Variants in SIPA1L1 observed in about 807,000 individuals in gnomAD.
SIPA1L1 encodes the protein signal induced proliferation associated 1 like 1, also known as signal-induced proliferation-associated 1-like protein 1.
Under a neutral mutation model 162.7 loss-of-function variants are expected in SIPA1L1, and 26 were observed. The ratio of observed to expected loss-of-function variants is 0.16; its 90% CI spans 0.12 to 0.22. The LOEUF (loss-of-function observed/expected upper bound fraction) is 0.22, where lower values mean the gene tolerates loss of function less well. SIPA1L1 is among the 10% of genes least tolerant of loss of function. SIPA1L1 has a pLI of 1.00. For synonymous variants in SIPA1L1, 829 were observed against 837.4 expected, an observed-to-expected ratio of 0.99 and a Z score of 0.17; for missense variants, 1,874 against 2,241.0, an observed-to-expected ratio of 0.84 and a Z score of 3.31.
intron 4 of SIPA1L1, among the ~76,000 whole-genome samples, chr14:71,546,664 C>G (rs975457907): frequency 7.9e-5 from 12 of 152,146 alleles, no homozygotes; most frequent in African/African-American, 2.9e-4. Context: ...TAATGAATTC[C>G]TTTTTTAATG....
At chr14:71,596,442 T>G (rs1206984118) in intron 5 of SIPA1L1, among the ~76,000 whole-genome samples, 1 of 152,214 alleles carries the variant, frequency 6.6e-6, no homozygotes, top group East Asian at 1.9e-4. Context: ...TGCAGGTTCT[T>G]TCTAGAAGGG....
intron 4 of SIPA1L1, among the ~76,000 whole-genome samples, chr14:71,550,197 T>C (rs1051714619): frequency 1.3e-5 from 2 of 152,016 alleles, no homozygotes; most frequent in Non-Finnish European, 2.9e-5. Context: ...TTGCAGTGAG[T>C]TGTGATGACG....
intron 5 of SIPA1L1, among the ~76,000 whole-genome samples, chr14:71,606,650 A>G (rs1462530589): frequency 6.6e-6 from 1 of 152,032 alleles, no homozygotes; most frequent in Non-Finnish European, 1.5e-5. Context: ...GGATTACAGG[A>G]GTGAGTCCAC....
chr14:71,673,589 ATG>A (rs142950134), intron 12 of SIPA1L1, among the ~76,000 whole-genome samples: 227 of 151,714 alleles, frequency 1.5e-3, no homozygotes, highest in Non-Finnish European at 2.7e-3. Flanking sequence ...GCAAATATAT[ATG>A]TGTGTGTGTG....
intron 2 of SIPA1L1, among the ~76,000 whole-genome samples, chr14:71,447,310 C>T (rs1265955822): frequency 6.6e-6 from 1 of 152,002 alleles, no homozygotes; most frequent in Non-Finnish European, 1.5e-5. Context: ...ATGTTCATAG[C>T]CTAAATAAGA....
At chr14:71,505,569 T>C (rs1161070771) in intron 2 of SIPA1L1, among the ~76,000 whole-genome samples, 1 of 152,152 alleles carries the variant, frequency 6.6e-6, no homozygotes, top group African/African-American at 2.4e-5. Flanking sequence ...CACTCCAATA[T>C]AATACTTATT....
In SIPA1L1 at chr14:71,738,263, C is replaced by G; in HGVS notation, c.5146C>G (p.Leu1716Val). The G allele has an allele frequency of 6.2e-7, 1 of 1,612,460 alleles. No homozygotes were observed. Among genetic ancestry groups the G allele is most frequent in the Non-Finnish European group, 8.5e-7 (1 of 1,179,182 alleles). Residue 1716 changes from leucine to valine, a missense_variant, in exon 23 of 24, where the codon CTG becomes GTG. This residue lies in a region of SIPA1L1 where 936 missense variants were observed against 1,051.9 expected (regional missense o/e 0.89). Transcript: ENST00000381232. The part of the protein sequence containing the change: ...YSSSKDSSPT[L>V]ASKVDQLEGM... The stretch of plus-strand genomic sequence containing the variant: ...CAGCAGTAAAGACTCCTCTCCCACT[C>G]TGGCTTCTAAAGTGGACCAGCTGGA...
chr14:71,700,994 C>CAAAAAAAAAAAAAAA (rs539293669), intron 14 of SIPA1L1, among the ~76,000 whole-genome samples: 4 of 51,750 alleles, frequency 7.7e-5, no homozygotes, highest in Non-Finnish European at 1.0e-4. Flanking sequence ...GACTCCGTCT[C>CAAAAAAAAAAAAAAA]AAAAAAAAAA....
chr14:71,667,005 C>T (rs1055761804), intron 10 of SIPA1L1, among the ~76,000 whole-genome samples: 1 of 152,158 alleles, frequency 6.6e-6, no homozygotes, highest in Non-Finnish European at 1.5e-5. Flanking sequence ...TTGTCCACTG[C>T]AGCTGACCTT....
intron 2 of SIPA1L1, among the ~76,000 whole-genome samples, chr14:71,497,210 A>G (rs886963800): frequency 3.3e-5 from 5 of 151,886 alleles, no homozygotes; most frequent in African/African-American, 4.8e-5. Flanking sequence ...AAGATCCTAC[A>G]GTTTTATTTA....
chr14:71,364,134 A>G (rs1343496661), intron 2 of SIPA1L1, among the ~76,000 whole-genome samples: 1 of 152,246 alleles, frequency 6.6e-6, no homozygotes, highest in Non-Finnish European at 1.5e-5. Flanking sequence ...AGAATATACA[A>G]GCACACATTC....
intron 2 of SIPA1L1, among the ~76,000 whole-genome samples, chr14:71,334,568 C>T (rs2034891865): frequency 6.6e-6 from 1 of 152,136 alleles, no homozygotes; most frequent in African/African-American, 2.4e-5. Context: ...AGACTTGCCT[C>T]TTAATAAACA....
At chr14:71,571,703 A>G (rs2032063964) in intron 4 of SIPA1L1, among the ~76,000 whole-genome samples, 1 of 151,968 alleles carries the variant, frequency 6.6e-6, no homozygotes, top group African/African-American at 2.4e-5. Flanking sequence ...GTGCAGTGGC[A>G]CAATCTCGGC....
At chr14:71,674,016 G>A (rs2044808321) in intron 12 of SIPA1L1, among the ~76,000 whole-genome samples, 1 of 152,170 alleles carries the variant, frequency 6.6e-6, no homozygotes, top group Admixed American at 6.6e-5. Context: ...TCCTTGTCTT[G>A]TCTCTTTCTC....
At chr14:71,565,288 TTTC>T (rs1420405328) in intron 4 of SIPA1L1, among the ~76,000 whole-genome samples, 1 of 152,182 alleles carries the variant, frequency 6.6e-6, no homozygotes, top group Non-Finnish European at 1.5e-5. Flanking sequence ...TTTTGTTGGT[TTTC>T]TTCTTAGTAA....
intron 7 of SIPA1L1, among the ~76,000 whole-genome samples, chr14:71,626,982 TTTTA>T (rs1411338157): frequency 2.6e-5 from 4 of 151,976 alleles, no homozygotes; most frequent in African/African-American, 7.2e-5. Flanking sequence ...CTAATAATTT[TTTTA>T]TTTAACTTGA....
At chr14:71,700,990 GTC>G (rs1226088604) in intron 14 of SIPA1L1, among the ~76,000 whole-genome samples, 2 of 59,006 alleles carry the variant, frequency 3.4e-5, no homozygotes, top group Non-Finnish European at 6.1e-5. Flanking sequence ...GCAAGACTCC[GTC>G]TCAAAAAAAA....
intron 7 of SIPA1L1, among the ~76,000 whole-genome samples, chr14:71,641,499 G>C (rs2041710531): frequency 6.6e-6 from 1 of 152,180 alleles, no homozygotes; most frequent in African/African-American, 2.4e-5. Context: ...GAGGCGGGCA[G>C]ATCACGAGGT....
chr14:71,645,945 G>A (rs2042118346), intron 7 of SIPA1L1, among the ~76,000 whole-genome samples: 1 of 152,140 alleles, frequency 6.6e-6, no homozygotes, highest in African/African-American at 2.4e-5. Context: ...AATAGTAGAG[G>A]TTTCATAAGA....
Sources: gnomAD v4.1 joint callset for allele counts (sites outside exome capture counted in the v4.1 genomes callset) on GRCh38, gnomAD v4.1.1 for gene constraint, gnomAD v4.1.1 regional missense constraint, MANE v1.5 for transcripts, NCBI Gene and HGNC (gene_info 2026-07-23, HGNC 2026-07-21) for gene names.